PCNX4: variants seen among roughly 807,000 people sequenced by gnomAD.
PCNX4 encodes the protein pecanex 4.
PCNX4 carries 103 observed loss-of-function variants against 107.2 expected under a neutral mutation model. The ratio of observed to expected loss-of-function variants is 0.96; its 90% CI spans 0.82 to 1.13. The LOEUF is 1.13. Among genes scored for constraint, PCNX4 ranks in the 50% most tolerant of loss-of-function variants. PCNX4 has a pLI of 0.00. For synonymous variants in PCNX4, 541 were observed against 481.7 expected, an observed-to-expected ratio of 1.12 and a Z score of -1.61; for missense variants, 1,528 against 1,379.4, an observed-to-expected ratio of 1.11 and a Z score of -1.71.
intron 2 of PCNX4, among the ~76,000 whole-genome samples, chr14:60,113,437 C>T (rs1431047388): frequency 7.9e-5 from 12 of 152,166 alleles, no homozygotes; most frequent in African/African-American, 2.9e-4. Context: ...CACGCAATCT[C>T]GGTTCACTGG....
chr14:60,109,181 A>C (rs904002431), intron 2 of PCNX4: 1 of 167,094 alleles, frequency 6.0e-6, no homozygotes, highest in Non-Finnish European at 1.5e-5. Context: ...GCCACCTGCA[A>C]GTCAAAGAAG....
intron 10 of PCNX4, 151 bp downstream of exon 10, chr14:60,125,974 G>A: frequency 1.7e-6 from 1 of 572,676 alleles, no homozygotes; most frequent in Non-Finnish European, 2.7e-6. Context: ...TGACTTTTTG[G>A]CTAAGCTAGA....
intron 1 of PCNX4, among the ~76,000 whole-genome samples, chr14:60,105,474 T>A (rs1455537464): frequency 6.6e-6 from 1 of 152,208 alleles, no homozygotes; most frequent in Non-Finnish European, 1.5e-5. Flanking sequence ...TAATATTCCT[T>A]CTGAAACTTT....
chr14:60,128,378 T>G (rs936396292), intron 10 of PCNX4, among the ~76,000 whole-genome samples: 8 of 152,172 alleles, frequency 5.3e-5, no homozygotes, highest in African/African-American at 1.7e-4. Context: ...GAAAGTCATA[T>G]AAAATTCTGA....
chr14:60,121,231 T>C lies in PCNX4; in HGVS notation c.1978T>C (p.Phe660Leu). 6.2e-7 allele frequency: 1 copy of C among 1,611,544 alleles called. No individual in the cohort carries two copies. The highest frequency in any genetic ancestry group is 8.5e-7 in the Non-Finnish European group (1 of 1,178,592). ...LLPGSHYLGR[F>L]QDRLMWIMIL... ...ACCTGGATCTCATTACTTGGGCCGT[T>C]TTCAGGATCGTTTAATGTGGATAAT... The change falls in exon 8 of 11, where the codon TTT becomes CTT. Residue 660 changes from phenylalanine to leucine, a missense_variant. Physicochemically the swap from Phe to Leu is conservative, Grantham distance 22. Coordinates refer to ENST00000406854, the MANE Select transcript of PCNX4 (RefSeq NM_001330177.2).
chr14:60,125,889 A>G, intron 10 of PCNX4, 66 bp downstream of exon 10: 1 of 1,024,578 alleles, frequency 9.8e-7, no homozygotes. Flanking sequence ...GTTATAAAGT[A>G]TTTGAACTAA....
At chr14:60,093,661 T>G (rs903559604) in intron 1 of PCNX4, among the ~76,000 whole-genome samples, 1 of 152,218 alleles carries the variant, frequency 6.6e-6, no homozygotes, top group African/African-American at 2.4e-5. Flanking sequence ...TGTGTACAGA[T>G]TTTTGTGTAG....
At chr14:60,113,850 A>G (rs1895786120) in intron 2 of PCNX4, among the ~76,000 whole-genome samples, 1 of 152,164 alleles carries the variant, frequency 6.6e-6, no homozygotes, top group Non-Finnish European at 1.5e-5. Context: ...AAATTTAGTA[A>G]TATATTGATA....
At chr14:60,095,132 T>G (rs1895398646) in intron 1 of PCNX4, among the ~76,000 whole-genome samples, 1 of 152,168 alleles carries the variant, frequency 6.6e-6, no homozygotes, top group South Asian at 2.1e-4. Flanking sequence ...CGAAGATGAT[T>G]TTGAGGTCTC....
intron 2 of PCNX4, among the ~76,000 whole-genome samples, chr14:60,111,424 T>G (rs1895739048): frequency 6.6e-6 from 1 of 152,246 alleles, no homozygotes; most frequent in Admixed American, 6.5e-5. Context: ...CTCTACCATT[T>G]ACTGACTATA....
At chr14:60,109,382 A>C (rs1895692036) in intron 2 of PCNX4, 1 of 167,126 alleles carries the variant, frequency 6.0e-6, no homozygotes, top group Non-Finnish European at 1.5e-5. Flanking sequence ...AAAATGTGGA[A>C]ATGGCTTTGT....
intron 10 of PCNX4, among the ~76,000 whole-genome samples, chr14:60,129,676 G>A (rs1204605967): frequency 6.6e-6 from 1 of 152,112 alleles, no homozygotes; most frequent in African/African-American, 2.4e-5. Flanking sequence ...GATTTGTAAC[G>A]TTTATAATGT....
At position 60,146,830 on chromosome 14, in the gene PCNX4, C is replaced by T. The variant is rs1896418131; in HGVS notation, c.*12609C>T. The T allele has an allele frequency of 6.6e-6, 1 of 152,080 alleles. No individual in the cohort carries two copies. The highest frequency in any genetic ancestry group is 2.1e-4 in the South Asian group (1 of 4,824). 9.4% of individuals were successfully genotyped at this position (152,080 alleles called of 1,614,324 possible). The stretch of plus-strand genomic sequence containing the variant: ...TAAGCAAGATACAGAAAAACAAGTA[C>T]TATGTGATTTCACTTCTGTGGAATC... On this transcript the variant is annotated 3_prime_UTR_variant, in exon 11 of 11. Transcript: ENST00000406854. This position sits in a 1 kb window ranked among gnomAD's most constrained non-coding sequence, Gnocchi z 4.9.
At chr14:60,129,710 A>C (rs143646969) in intron 10 of PCNX4, among the ~76,000 whole-genome samples, 14 of 152,364 alleles carry the variant, frequency 9.2e-5, no homozygotes, top group African/African-American at 3.4e-4. Context: ...GTGCCACAGA[A>C]GGGAAGAAAA....
At chr14:60,126,903 G>A (rs1896065384) in intron 10 of PCNX4, among the ~76,000 whole-genome samples, 1 of 152,162 alleles carries the variant, frequency 6.6e-6, no homozygotes, top group Admixed American at 6.6e-5. Flanking sequence ...GAGACCTGAG[G>A]CTACTCCTTC....
At position 60,143,105 on chromosome 14, in the gene PCNX4, G is replaced by A. The variant is rs939118515; in HGVS notation, c.*8884G>A. 14 of 152,260 alleles carry A rather than the reference G, an allele frequency of 9.2e-5. No individual in the cohort carries two copies. The highest frequency in any genetic ancestry group is 3.4e-4 in the African/African-American group (14 of 41,448). 9.4% of individuals were successfully genotyped at this position (152,260 alleles called of 1,614,324 possible). Reference sequence around the variant, plus strand: ...GGCACAATGCTAGGCAGGCACTGGAGATTCAGTGATGAATAAAACAAAACT... The same window carrying A: ...GGCACAATGCTAGGCAGGCACTGGAAATTCAGTGATGAATAAAACAAAACT... On this transcript the variant is annotated 3_prime_UTR_variant, in exon 11 of 11. Coordinates refer to ENST00000406854, the MANE Select transcript of PCNX4 (RefSeq NM_001330177.2).
In PCNX4 at chr14:60,144,974, G is replaced by A. The variant is rs968607878; in HGVS notation, c.*10753G>A. On this transcript the variant is annotated 3_prime_UTR_variant, in exon 11 of 11. Coordinates refer to ENST00000406854, the MANE Select transcript of PCNX4 (RefSeq NM_001330177.2). ...AAGTACAGGTGCTCTTTTCAGTCAT[G>A]TTTTGTCTTAAAGATTTTAAAATAA... is the stretch of plus-strand genomic sequence containing the variant. 61 of 1,604,438 alleles carry A rather than the reference G, an allele frequency of 3.8e-5. No individual in the cohort carries two copies. Among genetic ancestry groups the A allele is most frequent in the Non-Finnish European group, 5.1e-5 (60 of 1,177,060 alleles).
At position 60,144,256 on chromosome 14, in the gene PCNX4, ACTT is replaced by A. The variant is rs1316881297; in HGVS notation, c.*10039_*10041del. 6.6e-6 allele frequency: 1 copy of A among 152,156 alleles called. No individual in the cohort carries two copies. The highest frequency in any genetic ancestry group is 1.9e-4 in the East Asian group (1 of 5,190). 9.4% of individuals were successfully genotyped at this position (152,156 alleles called of 1,614,324 possible). On this transcript the variant is annotated 3_prime_UTR_variant, in exon 11 of 11. Transcript: ENST00000406854. ...TCTTGGAGGTAAGGTCATTTCAAATACTTCTTTATATCTGGTCATTACCCAGCA... is the reference window on the plus strand; with the variant it reads ...TCTTGGAGGTAAGGTCATTTCAAATACTTTATATCTGGTCATTACCCAGCA...
rs772110226 is a variant in PCNX4 at position 60,124,731 on chromosome 14, C to A, written c.2560C>A (p.Pro854Thr). ...TTTGCCAGGTACAAATTTGTTTATT[C>A]CAGGATCAGTAGAATCACAGAGGGT... ...KDLPGTNLFI[P>T]GSVESQRVGD... Residue 854 changes from proline (P) to threonine (T), a missense_variant, in exon 9 of 11, where the codon CCA becomes ACA. By Grantham distance (38) the Pro-to-Thr change is conservative. Coordinates refer to ENST00000406854, the MANE Select transcript of PCNX4 (RefSeq NM_001330177.2). 238 of 1,612,926 alleles carry A rather than the reference C, an allele frequency of 1.5e-4. No individual in the cohort carries two copies. Among genetic ancestry groups the A allele is most frequent in the Non-Finnish European group, 2.0e-4 (233 of 1,179,776 alleles).
Sources: allele counts gnomAD v4.1 joint callset (sites outside exome capture counted in the v4.1 genomes callset), GRCh38; gene constraint gnomAD v4.1.1; non-coding constraint Gnocchi (gnomAD v3.1); transcripts MANE v1.5; gene names NCBI Gene and HGNC (gene_info 2026-07-23, HGNC 2026-07-21).